Variants in TRIM6 observed in about 807,000 individuals in gnomAD.
TRIM6 encodes tripartite motif containing 6, also known as tripartite motif-containing protein 6.
Under a neutral mutation model 51.2 loss-of-function variants are expected in TRIM6, and 43 were observed. The observed-to-expected ratio is 0.84, with a 90% CI of 0.66 to 1.08. The LOEUF (loss-of-function observed/expected upper bound fraction) is 1.08, where lower values mean the gene tolerates loss of function less well. Ranked by LOEUF, TRIM6 falls within the 50% of genes least tolerant of loss-of-function variation. TRIM6 has a pLI of 0.00. For synonymous variants in TRIM6, 215 were observed against 232.4 expected, an observed-to-expected ratio of 0.93 and a Z score of 0.68; for missense variants, 669 against 619.0, an observed-to-expected ratio of 1.08 and a Z score of -0.86.
At chr11:5,604,070 A>G (rs1435795257) in intron 2 of TRIM6, among the ~76,000 whole-genome samples, 1 of 152,092 alleles carries the variant, frequency 6.6e-6, no homozygotes, top group Non-Finnish European at 1.5e-5. Flanking sequence ...ATCCCGGCTC[A>G]CTGCAACCTC....
intron 2 of TRIM6, among the ~76,000 whole-genome samples, chr11:5,604,030 C>G (rs1848042229): frequency 6.6e-6 from 1 of 152,072 alleles, no homozygotes; most frequent in East Asian, 1.9e-4. Flanking sequence ...GCGTCTCGCT[C>G]TGTCGCCCAG....
At chr11:5,601,576 G>A (rs1847853411) in intron 1 of TRIM6, among the ~76,000 whole-genome samples, 1 of 152,050 alleles carries the variant, frequency 6.6e-6, no homozygotes, top group Non-Finnish European at 1.5e-5. Flanking sequence ...TGGCCAACAT[G>A]GTAAAACCCT....
intron 4 of TRIM6, 130 bp downstream of exon 4, chr11:5,605,697 T>A: frequency 9.0e-7 from 1 of 1,112,586 alleles, no homozygotes; most frequent in Non-Finnish European, 1.2e-6. Context: ...CTATAGTGCC[T>A]ATCCCCTATT....
chr11:5,607,296 G>A (rs1435643073), intron 4 of TRIM6, among the ~76,000 whole-genome samples: 1 of 152,108 alleles, frequency 6.6e-6, no homozygotes, highest in African/African-American at 2.4e-5. Context: ...ATAGCACATC[G>A]ATTTGATCAT....
At chr11:5,610,457 C>A in intron 6 of TRIM6, 78 bp from the exon 7 acceptor site, 1 of 1,610,226 alleles carries the variant, frequency 6.2e-7, no homozygotes, top group Admixed American at 1.7e-5. Context: ...CCATTCCCCT[C>A]AATGTAGTAA....
rs531316467 is a variant in TRIM6, at chr11:5,596,663, G to A, written c.-235G>A. On this transcript the variant is annotated 5_prime_UTR_variant, in exon 1 of 8. Transcript: ENST00000380097. ...GAAGGAGTTGGGAGATGAGCCTTCC[G>A]CAAACTCCTGACCTGTGGGTCCGTC... 7.2e-5 allele frequency: 39 copies of A among 544,788 alleles called. No homozygotes were observed. Among genetic ancestry groups the A allele is most frequent in the Non-Finnish European group, 1.2e-4 (37 of 319,416 alleles). The allele number at this position is 544,788 out of a possible 1,614,324, so 33.7% of individuals were successfully genotyped here. A position where few individuals can be genotyped will look rare whatever the true frequency, so the allele number is the denominator to read the frequency against.
chr11:5,597,068 A>ATTTTAT (rs71053282), intron 1 of TRIM6, among the ~76,000 whole-genome samples, 154 bp downstream of exon 1: 75,184 of 151,312 alleles, frequency 0.5, 19,059 homozygotes, highest in Middle Eastern at 0.69. Flanking sequence ...GGTTAGAGAC[A>ATTTTAT]TTTTAATCAG....
chr11:5,605,309 A>G (rs1848141133), intron 3 of TRIM6, 28 bp from the exon 4 acceptor site: 3 of 1,613,542 alleles, frequency 1.9e-6, no homozygotes, highest in Non-Finnish European at 2.5e-6. Flanking sequence ...ACCGACTAGC[A>G]GCCTCTTTTT....
chr11:5,608,107 T>A (rs554524414), intron 4 of TRIM6, among the ~76,000 whole-genome samples: 2 of 152,316 alleles, frequency 1.3e-5, no homozygotes, highest in South Asian at 4.2e-4. Flanking sequence ...TAATACATGC[T>A]ATACATACAT....
intron 3 of TRIM6, 153 bp downstream of exon 3, chr11:5,604,782 A>AG (rs1491396605): frequency 1.4e-6 from 1 of 712,004 alleles, no homozygotes; most frequent in Non-Finnish European, 2.2e-6. Flanking sequence ...CCTTCCAAAC[A>AG]GGGGGAGGAG....
intron 1 of TRIM6, among the ~76,000 whole-genome samples, chr11:5,601,769 A>C (rs1446395795): frequency 3.3e-5 from 5 of 152,080 alleles, no homozygotes; most frequent in East Asian, 3.9e-4. Flanking sequence ...ACAACAACAA[A>C]AAAATTACCA....
intron 1 of TRIM6, among the ~76,000 whole-genome samples, chr11:5,597,807 C>T (rs969217181): frequency 6.6e-6 from 1 of 152,140 alleles, no homozygotes; most frequent in African/African-American, 2.4e-5. Context: ...TTCTCTGTCC[C>T]CCTCCCTCTT....
At chr11:5,599,462 G>A (rs1847694595) in intron 1 of TRIM6, among the ~76,000 whole-genome samples, 1 of 151,920 alleles carries the variant, frequency 6.6e-6, no homozygotes, top group East Asian at 1.9e-4. Context: ...GGAGTGCAGT[G>A]GCACGATCTC....
intron 1 of TRIM6, among the ~76,000 whole-genome samples, chr11:5,598,949 G>T (rs1440537964): frequency 6.6e-6 from 1 of 152,002 alleles, no homozygotes; most frequent in Non-Finnish European, 1.5e-5. Context: ...ATTTCCTTAT[G>T]CCCTTTGCAG....
chr11:5,610,929 T>G lies in TRIM6; in HGVS notation c.1138T>G (p.Ser380Ala), dbSNP rs762905451. ...TGTCCTGGGCTCCCAGCACTTCTCC[T>G]CTGGTAAGCATTACTGGGAGGTAGA... ...CSVLGSQHFS[S>A]GKHYWEVDVA... Residue 380 changes from serine to alanine, a missense_variant, in exon 8 of 8, where the codon TCT becomes GCT. By Grantham distance (99) the Ser-to-Ala change is moderately conservative. Transcript: ENST00000380097. The G allele has an allele frequency of 6.2e-7, 1 of 1,614,168 alleles. No homozygotes were observed. Among genetic ancestry groups the G allele is most frequent in the South Asian group, 1.1e-5 (1 of 91,078 alleles).
chr11:5,606,694 C>T (rs1314435321), intron 4 of TRIM6, among the ~76,000 whole-genome samples: 3 of 152,086 alleles, frequency 2.0e-5, no homozygotes, highest in Admixed American at 6.6e-5. Context: ...TTTGTTCTGG[C>T]TCCTCAACAG....
intron 2 of TRIM6, 48 bp from the exon 3 acceptor site, chr11:5,604,486 A>C (rs372705892): frequency 1.3e-5 from 20 of 1,580,702 alleles, no homozygotes; most frequent in Non-Finnish European, 1.7e-5. Flanking sequence ...CTGGGTACTG[A>C]GTCAACTGAA....
intron 5 of TRIM6, among the ~76,000 whole-genome samples, chr11:5,609,608 AAAAC>A (rs1252264400): frequency 6.6e-6 from 1 of 152,204 alleles, no homozygotes; most frequent in African/African-American, 2.4e-5. Flanking sequence ...CAACAACAGA[AAAAC>A]AAAATGAGAC....
chr11:5,610,129 G>C lies in TRIM6; in HGVS notation c.858-16G>C. ...CAGTCAGCAGTGTGGGAACTCAGAA[G>C]TCCTGTCCTTTCTAGGAGTGAGTTC... is the stretch of plus-strand genomic sequence containing the variant. On this transcript the variant is annotated splice_polypyrimidine_tract_variant and intron_variant, in intron 5 of 7. Coordinates refer to ENST00000380097, the MANE Select transcript of TRIM6 (RefSeq NM_001003818.3). 6.2e-7 allele frequency: 1 copy of C among 1,613,760 alleles called. No individual in the cohort carries two copies. The highest frequency in any genetic ancestry group is 8.5e-7 in the Non-Finnish European group (1 of 1,179,844).
Sources: allele counts gnomAD v4.1 joint callset (sites outside exome capture counted in the v4.1 genomes callset), GRCh38; gene constraint gnomAD v4.1.1; transcripts MANE v1.5; gene names NCBI Gene and HGNC (gene_info 2026-07-23, HGNC 2026-07-21).